Variants in SYT1 observed in about 807,000 individuals in gnomAD.
The protein encoded by SYT1 is synaptotagmin-1.
SYT1 carries 8 observed loss-of-function variants against 44.8 expected under a neutral mutation model. That is an observed-to-expected ratio of 0.18 (90% confidence interval 0.10 to 0.32). The LOEUF (loss-of-function observed/expected upper bound fraction) is 0.32. SYT1 is among the 10% of genes least tolerant of loss of function. The pLI is 1.00. For synonymous variants in SYT1, 154 were observed against 188.8 expected (o/e 0.82, Z 1.51); for missense variants, 286 against 509.3 (o/e 0.56, Z 4.22).
intron 1 of SYT1, among the ~76,000 whole-genome samples, chr12:78,917,070 G>A (rs1390275604): frequency 6.6e-6 from 1 of 151,912 alleles, no homozygotes; most frequent in Non-Finnish European, 1.5e-5. Context: ...GGGACCACAG[G>A]CATGCACCAC....
At chr12:78,980,844 A>G (rs959342353) in intron 2 of SYT1, among the ~76,000 whole-genome samples, 3 of 152,128 alleles carry the variant, frequency 2.0e-5, no homozygotes, top group Non-Finnish European at 4.4e-5. Flanking sequence ...AGAAATTAAA[A>G]GAGGGGGTAG....
intron 3 of SYT1, among the ~76,000 whole-genome samples, chr12:79,188,009 T>A (rs1191454605): frequency 2.0e-5 from 3 of 152,164 alleles, no homozygotes; most frequent in Non-Finnish European, 4.4e-5. Flanking sequence ...AAGAAACACG[T>A]CTTTTTAAAA....
chr12:78,923,611 G>C (rs1185293624), intron 1 of SYT1, among the ~76,000 whole-genome samples: 2 of 151,780 alleles, frequency 1.3e-5, no homozygotes, highest in Non-Finnish European at 2.9e-5. Flanking sequence ...ATAGAGACAA[G>C]AATTGTACAA....
intron 3 of SYT1, among the ~76,000 whole-genome samples, chr12:79,115,532 A>G (rs1879230797): frequency 6.6e-6 from 1 of 152,146 alleles, no homozygotes; most frequent in Non-Finnish European, 1.5e-5. Flanking sequence ...TTTCATTTTC[A>G]TCTGAAAGAC....
chr12:79,384,966 G>A (rs1244185579), intron 9 of SYT1, among the ~76,000 whole-genome samples: 5 of 150,400 alleles, frequency 3.3e-5, no homozygotes, highest in African/African-American at 4.9e-5. Flanking sequence ...ATAATAAGCA[G>A]CTAATGGAAG....
intron 3 of SYT1, among the ~76,000 whole-genome samples, chr12:79,100,750 T>C (rs1218635624): frequency 6.6e-6 from 1 of 152,180 alleles, no homozygotes; most frequent in Non-Finnish European, 1.5e-5. Flanking sequence ...TTAGTTGACC[T>C]GTTTCGTAAA....
intron 1 of SYT1, among the ~76,000 whole-genome samples, chr12:78,876,632 CGT>C (rs2137045032): frequency 7.6e-6 from 1 of 132,014 alleles, no homozygotes; most frequent in Admixed American, 8.5e-5. Context: ...TATATACACA[CGT>C]GTACACATAT....
At chr12:79,200,967 A>G (rs1479214121) in intron 3 of SYT1, among the ~76,000 whole-genome samples, 2 of 152,174 alleles carry the variant, frequency 1.3e-5, no homozygotes, top group Non-Finnish European at 2.9e-5. Flanking sequence ...AATGGTAAGG[A>G]AATGTATTTT....
At chr12:79,260,054 G>A (rs1282594242) in intron 4 of SYT1, among the ~76,000 whole-genome samples, 1 of 152,164 alleles carries the variant, frequency 6.6e-6, no homozygotes, top group African/African-American at 2.4e-5. Context: ...ATTTCAGTCA[G>A]GTTCCCTTGA....
intron 3 of SYT1, among the ~76,000 whole-genome samples, chr12:79,053,936 A>G (rs1874735271): frequency 6.6e-6 from 1 of 152,078 alleles, no homozygotes; most frequent in Admixed American, 6.6e-5. Context: ...CTGTGTTCCC[A>G]CACATAAGCC....
At chr12:79,059,227 TG>T (rs1875193127) in intron 3 of SYT1, among the ~76,000 whole-genome samples, 1 of 152,030 alleles carries the variant, frequency 6.6e-6, no homozygotes, top group South Asian at 2.1e-4. Context: ...GACCTCCCAT[TG>T]GGTCTCTCCC....
intron 2 of SYT1, among the ~76,000 whole-genome samples, chr12:78,999,134 C>T (rs1199055460): frequency 6.6e-6 from 1 of 152,156 alleles, no homozygotes; most frequent in African/African-American, 2.4e-5. Flanking sequence ...ATAGGAAGCT[C>T]TGACTCAGCA....
chr12:78,883,501 C>T (rs563700419), intron 1 of SYT1, among the ~76,000 whole-genome samples: 1 of 151,554 alleles, frequency 6.6e-6, no homozygotes, highest in Non-Finnish European at 1.5e-5. Context: ...GACTTTCTTT[C>T]TTTTCTCAGT....
chr12:79,170,126 C>A (rs571060617), intron 3 of SYT1, among the ~76,000 whole-genome samples: 20 of 152,150 alleles, frequency 1.3e-4, no homozygotes, highest in Admixed American at 3.9e-4. Flanking sequence ...GATTCCATAT[C>A]TTTGCTATTG....
rs535627115 is a variant in SYT1, at chr12:79,208,585, C to T, written c.-17-8918C>T. 2.4e-4 allele frequency among the ~76,000 whole-genome samples: 36 copies of T among 152,140 alleles called. No individual in the cohort carries two copies. The East Asian group carries it at 6.8e-3, about 29-fold the overall frequency. ...GGAGAGAGGGATACGAGAAGGAAAG[C>T]CAATAGGGCTTAGGAAGCTGCGGAG... On this transcript the variant is annotated intron_variant, in intron 3 of 10. Transcript: ENST00000261205.
intron 4 of SYT1, among the ~76,000 whole-genome samples, chr12:79,243,251 G>A (rs1876621527): frequency 1.3e-5 from 2 of 152,124 alleles, no homozygotes; most frequent in Admixed American, 1.3e-4. Flanking sequence ...TCTCCAAAAT[G>A]TTCCCATTTT....
rs182391631 is a variant in SYT1 at position 79,383,173 on chromosome 12, A to T, written c.928+29554A>T. 7.9e-5 allele frequency among the ~76,000 whole-genome samples: 12 copies of T among 152,312 alleles called. No homozygotes were observed. In the East Asian group the frequency reaches 2.1e-3, roughly 27 times the overall value. On this transcript the variant is annotated intron_variant, in intron 9 of 10. Transcript: ENST00000261205. ...TGTGAACTTCATAGAGTGTATTTGC[A>T]CAAACCTAGGTGTTGTAGCCTGCTA... is the stretch of plus-strand genomic sequence containing the variant.
chr12:79,190,816 CTTTT>C (rs1339032838), intron 3 of SYT1, among the ~76,000 whole-genome samples: 2 of 151,114 alleles, frequency 1.3e-5, no homozygotes, highest in Non-Finnish European at 2.9e-5. Flanking sequence ...AGTTGCCCCT[CTTTT>C]TTTCAGAACT....
At chr12:79,316,507 G>T (rs1881091289) in intron 8 of SYT1, among the ~76,000 whole-genome samples, 1 of 152,100 alleles carries the variant, frequency 6.6e-6, no homozygotes, top group African/African-American at 2.4e-5. Context: ...TCATAGGTAG[G>T]TGTATGTATC....
Sources: gnomAD v4.1 joint callset for allele counts (sites outside exome capture counted in the v4.1 genomes callset) on GRCh38, gnomAD v4.1.1 for gene constraint, MANE v1.5 for transcripts, NCBI Gene and HGNC (gene_info 2026-07-23, HGNC 2026-07-21) for gene names.